PDXDC1: variants seen among roughly 807,000 people sequenced by gnomAD.
PDXDC1 encodes pyridoxal dependent decarboxylase domain containing 1.
PDXDC1 carries 42 observed loss-of-function variants against 100.1 expected under a neutral mutation model. The ratio of observed to expected loss-of-function variants is 0.42; its 90% confidence interval spans 0.33 to 0.54. PDXDC1 has a LOEUF of 0.54. Among genes scored for constraint, PDXDC1 ranks in the 20% least tolerant of loss-of-function variants. The pLI is 0.10. For missense variants in PDXDC1, 636 were observed against 979.2 expected, an observed-to-expected ratio of 0.65 and a Z score of 4.68; for synonymous variants, 260 against 371.7, an observed-to-expected ratio of 0.70 and a Z score of 3.46.
rs377512816 is a variant in PDXDC1, at chr16:15,021,384, C to CA, written c.1090-1308dup. ...TGGGCGACAGAGTAGGACCCTGTCT[C>CA]AAAAAAAAAAAAGAAAAAAAGATTG... On this transcript the variant is annotated intron_variant, in intron 12 of 22. Transcript: ENST00000396410. Among the ~76,000 whole-genome samples, 1,131 of 142,144 alleles carry CA rather than the reference C, an allele frequency of 8.0e-3. 1 individual carries two copies. Among genetic ancestry groups the CA allele is most frequent in the South Asian group, 0.023 (101 of 4,476 alleles). 93.3% of individuals were successfully genotyped at this position (142,144 alleles called of 152,430 possible).
chr16:15,115,060 C>T (rs1485641221), intron 16 of PDXDC1, among the ~76,000 whole-genome samples: 37 of 146,838 alleles, frequency 2.5e-4, no homozygotes, highest in African/African-American at 7.3e-4. Flanking sequence ...CTCAGCCTCC[C>T]GAGCAGCTGA....
intron 16 of PDXDC1, among the ~76,000 whole-genome samples, chr16:15,074,193 T>A (rs181898158): frequency 6.6e-6 from 1 of 152,210 alleles, no homozygotes; most frequent in South Asian, 2.1e-4. Context: ...AAAACAGTAA[T>A]GCAGTCAACT....
chr16:15,048,061 T>A, intron 16 of PDXDC1: 1 of 1,613,230 alleles, frequency 6.2e-7, no homozygotes, highest in Non-Finnish European at 8.5e-7. Flanking sequence ...GGGGTCCCAC[T>A]TGTTGAACAG....
chr16:15,125,976 G>A (rs1368312187), intron 16 of PDXDC1: 14 of 601,590 alleles, frequency 2.3e-5, no homozygotes, highest in South Asian at 5.9e-5. Context: ...AGCCCCTCGC[G>A]ACGTGTGCCA....
At chr16:15,028,502 G>A (rs1051202819) in intron 14 of PDXDC1, among the ~76,000 whole-genome samples, 1 of 152,302 alleles carries the variant, frequency 6.6e-6, no homozygotes, top group African/African-American at 2.4e-5. Context: ...CCAAGTGTCG[G>A]GCTCTGTGCC....
In PDXDC1 at chr16:14,975,083, C is replaced by T. The variant is rs1203155161; in HGVS notation, c.-117C>T. On this transcript the variant is annotated 5_prime_UTR_variant, in exon 1 of 23. Coordinates refer to ENST00000396410, the MANE Select transcript of PDXDC1 (RefSeq NM_015027.4). ...CCGCCTGGCAGCTCCTCCTCTTCTCCGCCCCGCCGGCCGCGGGCGCGGGGG... is the reference window on the plus strand; with the variant it reads ...CCGCCTGGCAGCTCCTCCTCTTCTCTGCCCCGCCGGCCGCGGGCGCGGGGG... 1.2e-5 allele frequency: 17 copies of T among 1,475,856 alleles called. No individual in the cohort carries two copies. The highest frequency in any genetic ancestry group is 4.3e-5 in the African/African-American group (3 of 69,840). 91.4% of individuals were successfully genotyped at this position (1,475,856 alleles called of 1,614,324 possible).
At chr16:15,091,916 C>T (rs1272667896) in intron 16 of PDXDC1, among the ~76,000 whole-genome samples, 1 of 152,156 alleles carries the variant, frequency 6.6e-6, no homozygotes, top group East Asian at 1.9e-4. Context: ...TGGTGGCTCA[C>T]GTCTGTAATC....
chr16:15,144,736 C>T, the PDXDC1 span, among the ~76,000 whole-genome samples: 12 of 152,160 alleles, frequency 7.9e-5, no homozygotes, highest in African/African-American at 1.9e-4. Context: ...ATGGAGACTC[C>T]GGCCTCGGAG....
rs758510583 is a variant in PDXDC1, at chr16:15,033,349, C to T, written c.1762C>T (p.Leu588Phe). The change falls in exon 19 of 23, where the codon CTC (leucine) becomes TTC (phenylalanine). Residue 588 changes from leucine (L) to phenylalanine (F), a missense_variant. By Grantham distance (22) the Leu-to-Phe change is conservative (BLOSUM62 0). Transcript: ENST00000396410. ...MASDNVDAAE[L>F]VETIAATARE... The stretch of plus-strand genomic sequence containing the variant: ...GAGCGACAACGTCGATGCTGCTGAG[C>T]TCGTGGAGACCATTGCGGCCACAGC... 2 of 1,614,172 alleles carry T rather than the reference C, an allele frequency of 1.2e-6. No homozygotes were observed. The highest frequency in any genetic ancestry group is 1.1e-5 in the South Asian group (1 of 91,088).
the PDXDC1 span, among the ~76,000 whole-genome samples, chr16:15,147,329 G>A: frequency 9.2e-5 from 14 of 152,210 alleles, no homozygotes; most frequent in Non-Finnish European, 1.9e-4. Flanking sequence ...CACCCTGTGC[G>A]GCTGCAGGGG....
At chr16:15,067,186 C>T (rs901886412) in intron 16 of PDXDC1, among the ~76,000 whole-genome samples, 4 of 151,850 alleles carry the variant, frequency 2.6e-5, no homozygotes, top group African/African-American at 9.7e-5. Flanking sequence ...AAGAGGCTGA[C>T]GGAGCTCAGC....
chr16:15,029,271 A>G (rs1292058558), intron 15 of PDXDC1: 2 of 582,624 alleles, frequency 3.4e-6, no homozygotes, highest in Admixed American at 3.1e-5. Flanking sequence ...CCTGGGCAGC[A>G]CAGCCGGGAG....
rs778783741 is a variant in PDXDC1, at chr16:15,035,533, G to C, written c.2087G>C (p.Arg696Pro). The C allele has an allele frequency of 6.2e-7, 1 of 1,609,154 alleles. No homozygotes were observed. Among genetic ancestry groups the C allele is most frequent in the Non-Finnish European group, 8.5e-7 (1 of 1,177,086 alleles). ...VTLPPTPSGS[R>P]TKQRLPGQKP... ...CTGCCTCCAACGCCCTCGGGCAGTC[G>C]CACCAAGCAGAGGCTTCCAGGTAAG... The change falls in exon 22 of 23, where the codon CGC (arginine) becomes CCC (proline). Residue 696 changes from arginine (R) to proline (P), a missense_variant. Physicochemically the swap from Arg to Pro is moderately radical, Grantham distance 103 (BLOSUM62 -2). This residue lies in a region of PDXDC1 where 452 missense variants were observed against 402.9 expected (regional missense o/e 1.12). Transcript: ENST00000396410.
intron 1 of PDXDC1, among the ~76,000 whole-genome samples, chr16:14,993,763 T>C (rs1435711428): frequency 2.6e-4 from 39 of 152,388 alleles, no homozygotes; most frequent in Non-Finnish European, 5.1e-4. Flanking sequence ...CCGCCAACAG[T>C]GTAAAAGTGT....
At chr16:15,073,343 G>A (rs2045317780) in intron 16 of PDXDC1, among the ~76,000 whole-genome samples, 1 of 152,168 alleles carries the variant, frequency 6.6e-6, no homozygotes. Flanking sequence ...TGTGATCCCA[G>A]CTACATGGGA....
chr16:15,009,362 A>T (rs1241843797), intron 7 of PDXDC1: 12 of 459,566 alleles, frequency 2.6e-5, no homozygotes, highest in Non-Finnish European at 4.4e-5. Flanking sequence ...ATCAGTGAGT[A>T]ATAGTAGAGA....
chr16:15,130,429 G>A (rs760223071), intron 16 of PDXDC1: 36 of 1,501,202 alleles, frequency 2.4e-5, no homozygotes, highest in South Asian at 1.9e-4. Context: ...AGGTTCAGAC[G>A]GTAACTCCCC....
chr16:15,122,896 G>T (rs1259124944), intron 16 of PDXDC1, among the ~76,000 whole-genome samples: 1 of 147,316 alleles, frequency 6.8e-6, no homozygotes, highest in Non-Finnish European at 1.5e-5. Context: ...GGGGCTGTTG[G>T]GTACCTGGAG....
In PDXDC1 at chr16:14,990,982, TC is replaced by T. The variant is rs1415128085; in HGVS notation, c.22-6769del. Among the ~76,000 whole-genome samples the T allele has an allele frequency of 2.0e-5, 3 of 152,294 alleles. No individual in the cohort carries two copies. The East Asian group carries it at 5.8e-4, about 29-fold the overall frequency. ...TCTCGAACTCCTGGGCCTCAGGTGA[TC>T]CGTCAACCTCGGCCTCCCAACGTGC... is the stretch of plus-strand genomic sequence containing the variant. On this transcript the variant is annotated intron_variant, in intron 1 of 22. Transcript: ENST00000396410.
Sources: allele counts gnomAD v4.1 joint callset (sites outside exome capture counted in the v4.1 genomes callset), GRCh38; gene constraint gnomAD v4.1.1; regional missense constraint gnomAD v4.1.1; transcripts MANE v1.5; gene names NCBI Gene and HGNC (gene_info 2026-07-23, HGNC 2026-07-21).